PACRG: variants seen among roughly 807,000 people sequenced by gnomAD.
PACRG encodes parkin coregulated.
In PACRG, 29 loss-of-function variants were observed where a neutral mutation model predicts 29.7. The ratio of observed to expected loss-of-function variants is 0.98; its 90% CI spans 0.73 to 1.33. The LOEUF (loss-of-function observed/expected upper bound fraction) is 1.33, where lower values mean the gene tolerates loss of function less well. PACRG is among the 40% of genes most tolerant of loss of function. The pLI, the probability that PACRG is intolerant of heterozygous loss-of-function variation, is 0.00. For missense variants in PACRG, 279 were observed against 316.2 expected (o/e 0.88, Z 0.89); for synonymous variants, 116 against 118.7 (o/e 0.98, Z 0.15).
At chr6:163,115,448 A>G (rs1815935975) in intron 4 of PACRG, among the ~76,000 whole-genome samples, 1 of 152,156 alleles carries the variant, frequency 6.6e-6, no homozygotes, top group South Asian at 2.1e-4. Context: ...AAAGCATCCT[A>G]AGAGTGATGG....
chr6:163,037,511 C>G (rs1180983032), intron 2 of PACRG, among the ~76,000 whole-genome samples: 1 of 152,216 alleles, frequency 6.6e-6, no homozygotes, highest in Non-Finnish European at 1.5e-5. Flanking sequence ...TGCTGGCTGA[C>G]TCCCAAAGCT....
intron 4 of PACRG, among the ~76,000 whole-genome samples, chr6:163,270,556 G>C (rs1185325693): frequency 6.6e-6 from 1 of 151,080 alleles, no homozygotes; most frequent in African/African-American, 2.4e-5. Context: ...TTTATTTCTT[G>C]TATAAAGGGA....
intron 2 of PACRG, among the ~76,000 whole-genome samples, chr6:162,967,652 G>A (rs530271079): frequency 6.6e-6 from 1 of 151,926 alleles, no homozygotes; most frequent in Admixed American, 6.6e-5. Context: ...GACTACAGGC[G>A]CCTGCCACCA....
chr6:163,276,008 C>CTTCT (rs376811032), intron 4 of PACRG, among the ~76,000 whole-genome samples: 28,716 of 140,428 alleles, frequency 0.2, 3,343 homozygotes, highest in African/African-American at 0.29. Flanking sequence ...TCCTTCCTTC[C>CTTCT]TTCTTTCTTT....
intron 4 of PACRG, among the ~76,000 whole-genome samples, chr6:163,150,356 C>T (rs981019695): frequency 6.6e-6 from 1 of 152,170 alleles, no homozygotes; most frequent in Admixed American, 6.5e-5. Flanking sequence ...GCAGGACACA[C>T]CAGGCCGCCC....
At chr6:163,268,171 C>A (rs763295308) in intron 4 of PACRG, among the ~76,000 whole-genome samples, 2 of 152,010 alleles carry the variant, frequency 1.3e-5, no homozygotes, top group African/African-American at 2.4e-5. Context: ...GAGGCCGAGG[C>A]GGGTGGATCA....
intron 2 of PACRG, among the ~76,000 whole-genome samples, chr6:162,869,260 A>T (rs1792592170): frequency 6.6e-6 from 1 of 152,220 alleles, no homozygotes; most frequent in Non-Finnish European, 1.5e-5. Flanking sequence ...CATCTATGTA[A>T]CATAGCCTGA....
intron 2 of PACRG, among the ~76,000 whole-genome samples, chr6:163,017,742 A>G (rs1441683277): frequency 6.6e-6 from 1 of 152,224 alleles, no homozygotes; most frequent in African/African-American, 2.4e-5. Context: ...GAAGCAGAGG[A>G]CAATATGTAA....
At chr6:162,912,922 CAAAA>C (rs67714057) in intron 2 of PACRG, among the ~76,000 whole-genome samples, 41 of 108,688 alleles carry the variant, frequency 3.8e-4, no homozygotes, top group African/African-American at 1.1e-3. Context: ...AACAAACAAA[CAAAA>C]AAAAAAAAAA....
chr6:163,075,827 A>G (rs560112370), intron 3 of PACRG, among the ~76,000 whole-genome samples: 1 of 152,216 alleles, frequency 6.6e-6, no homozygotes, highest in East Asian at 1.9e-4. Flanking sequence ...GCTTAAAACA[A>G]TACATTACTT....
chr6:163,234,432 C>G (rs551349211), intron 4 of PACRG, among the ~76,000 whole-genome samples: 5 of 152,170 alleles, frequency 3.3e-5, no homozygotes, highest in Non-Finnish European at 5.9e-5. Flanking sequence ...CACCAGCTCC[C>G]CTTCGTCTTC....
chr6:163,241,816 A>T (rs1360645935), intron 4 of PACRG, among the ~76,000 whole-genome samples: 1 of 152,138 alleles, frequency 6.6e-6, no homozygotes, highest in East Asian at 1.9e-4. Flanking sequence ...GCCATGGTAA[A>T]CCCAAAGGGG....
At chr6:163,180,828 T>C (rs1779618012) in intron 4 of PACRG, among the ~76,000 whole-genome samples, 1 of 152,162 alleles carries the variant, frequency 6.6e-6, no homozygotes, top group African/African-American at 2.4e-5. Flanking sequence ...AATTATTCAC[T>C]AATTATTAAC....
intron 4 of PACRG, among the ~76,000 whole-genome samples, chr6:163,212,525 G>T (rs1204343849): frequency 1.3e-5 from 2 of 152,132 alleles, no homozygotes; most frequent in African/African-American, 2.4e-5. Context: ...ACATGTGCAG[G>T]GGACACAGAT....
At chr6:162,982,010 A>G (rs1802478043) in intron 2 of PACRG, among the ~76,000 whole-genome samples, 1 of 144,744 alleles carries the variant, frequency 6.9e-6, no homozygotes, top group African/African-American at 2.5e-5. Flanking sequence ...TTTCTTCTTG[A>G]TTTAATCTAG....
At chr6:162,847,956 A>T (rs1036467561) in intron 2 of PACRG, among the ~76,000 whole-genome samples, 1 of 152,174 alleles carries the variant, frequency 6.6e-6, no homozygotes, top group African/African-American at 2.4e-5. Flanking sequence ...TCATTCCATC[A>T]GGAATAGGGA....
intron 4 of PACRG, among the ~76,000 whole-genome samples, chr6:163,128,666 T>C (rs1261826146): frequency 2.0e-5 from 3 of 152,236 alleles, no homozygotes; most frequent in African/African-American, 7.2e-5. Flanking sequence ...GCCTGATGCA[T>C]GCCATTAGGA....
chr6:162,926,170 C>T (rs1426708056), intron 2 of PACRG, among the ~76,000 whole-genome samples: 5 of 151,842 alleles, frequency 3.3e-5, no homozygotes, highest in Non-Finnish European at 7.4e-5. Context: ...CAAACAAATG[C>T]AAATATATTC....
At position 163,239,775 on chromosome 6, in the gene PACRG, C is replaced by T. The variant is rs1407284869; in HGVS notation, c.614-75052C>T. ...ATGCACACACACTCACACCTCCACCCCCACACACACACACACTCACACATT... is the reference window on the plus strand; with the variant it reads ...ATGCACACACACTCACACCTCCACCTCCACACACACACACACTCACACATT... On this transcript the variant is annotated intron_variant, in intron 4 of 4. Coordinates refer to ENST00000366888, the MANE Select transcript of PACRG (RefSeq NM_001080379.2). Among the ~76,000 whole-genome samples, 6 of 149,012 alleles carry T rather than the reference C, an allele frequency of 4.0e-5. 1 individual carries two copies. The highest frequency in any genetic ancestry group is 1.5e-4 in the African/African-American group (6 of 40,322).
Sources: gnomAD v4.1 joint callset for allele counts (sites outside exome capture counted in the v4.1 genomes callset) on GRCh38, gnomAD v4.1.1 for gene constraint, MANE v1.5 for transcripts, NCBI Gene and HGNC (gene_info 2026-07-23, HGNC 2026-07-21) for gene names.